Variants in PCDHA3 observed in about 807,000 individuals in gnomAD.
The protein encoded by PCDHA3 is protocadherin alpha-3.
PCDHA3 carries 41 observed loss-of-function variants against 62.2 expected under a neutral mutation model. The ratio of observed to expected loss-of-function variants is 0.66; its 90% CI spans 0.51 to 0.86. The LOEUF (loss-of-function observed/expected upper bound fraction) is 0.86, where lower values mean the gene tolerates loss of function less well. Among genes scored for constraint, PCDHA3 ranks in the 40% least tolerant of loss-of-function variants. The probability of loss-of-function intolerance (pLI) is 0.00; values close to 1 mark genes in which losing one functional copy is unlikely to be tolerated. For synonymous variants in PCDHA3, 640 were observed against 555.4 expected (o/e 1.15, Z -2.14); for missense variants, 1,304 against 1,241.2 (o/e 1.05, Z -0.76).
At chr5:140,906,796 T>C (rs1021322398) in intron 1 of PCDHA3, among the ~76,000 whole-genome samples, 1 of 152,236 alleles carries the variant, frequency 6.6e-6, no homozygotes, top group African/African-American at 2.4e-5. Context: ...ATTCCATGCA[T>C]ACTCTTCCTT....
At chr5:140,884,115 T>C (rs782303871) in intron 1 of PCDHA3, 2 of 1,613,170 alleles carry the variant, frequency 1.2e-6, no homozygotes, top group African/African-American at 2.7e-5. Context: ...CTGGCGGCGG[T>C]CGGCGCGCGC....
rs1776053531 is a variant in PCDHA3 at position 140,839,144 on chromosome 5, A to G, written c.2394+35553A>G. ...ATATGTCATTCACATAAGCAGACCAAGTTTGCTGCTCTTGTTGAAAGATAT... is the reference window on the plus strand; with the variant it reads ...ATATGTCATTCACATAAGCAGACCAGGTTTGCTGCTCTTGTTGAAAGATAT... On this transcript the variant is annotated intron_variant, in intron 1 of 3. Transcript: ENST00000522353. Among the ~76,000 whole-genome samples, 3 of 136,814 alleles carry G rather than the reference A, an allele frequency of 2.2e-5. No individual in the cohort carries two copies. The South Asian group carries it at 7.1e-4, about 33-fold the overall frequency. The allele number at this position is 136,814 out of a possible 152,430, so 89.8% of individuals were successfully genotyped here.
At chr5:140,936,512 A>G (rs575884793) in intron 1 of PCDHA3, among the ~76,000 whole-genome samples, 1 of 152,324 alleles carries the variant, frequency 6.6e-6, no homozygotes, top group Non-Finnish European at 1.5e-5. Context: ...TAGATCTTAA[A>G]TTACCTGAAA....
At chr5:140,828,391 G>A in intron 1 of PCDHA3, 4 of 1,614,294 alleles carry the variant, frequency 2.5e-6, no homozygotes, top group Non-Finnish European at 3.4e-6. Flanking sequence ...GGCGGAGCGC[G>A]GAGTGCAGCA....
At chr5:140,947,655 A>G (rs942849633) in intron 1 of PCDHA3, among the ~76,000 whole-genome samples, 3 of 151,542 alleles carry the variant, frequency 2.0e-5, no homozygotes, top group Non-Finnish European at 4.4e-5. Context: ...ATATACCTCC[A>G]TTTACTTGGG....
At chr5:140,809,718 T>A in intron 1 of PCDHA3, 2 of 935,756 alleles carry the variant, frequency 2.1e-6, no homozygotes, top group Non-Finnish European at 3.1e-6. Flanking sequence ...CTTTTGGAAT[T>A]ATAGGACATC....
chr5:140,857,337 G>T, intron 1 of PCDHA3: 1 of 1,598,496 alleles, frequency 6.3e-7, no homozygotes, highest in South Asian at 1.1e-5. Context: ...CGGGACGGGG[G>T]CTCGCCTCCG....
chr5:140,805,002 A>T, intron 1 of PCDHA3: 2 of 1,535,512 alleles, frequency 1.3e-6, no homozygotes, highest in Non-Finnish European at 1.7e-6. Flanking sequence ...TTAAAAATTT[A>T]GTTCTGTTAT....
At chr5:140,840,202 A>G (rs1426103909) in intron 1 of PCDHA3, among the ~76,000 whole-genome samples, 1 of 152,086 alleles carries the variant, frequency 6.6e-6, no homozygotes, top group African/African-American at 2.4e-5. Flanking sequence ...AAGGAAAAGA[A>G]GTCATAAAAA....
chr5:140,981,744 G>C (rs1586900543), intron 2 of PCDHA3, among the ~76,000 whole-genome samples: 1 of 151,900 alleles, frequency 6.6e-6, no homozygotes, highest in Admixed American at 6.6e-5. Context: ...ATTAATATGA[G>C]TTAGTATTAG....
chr5:140,952,743 C>T lies in PCDHA3; in HGVS notation c.2395-26206C>T, dbSNP rs146786879. Reference sequence around the variant, plus strand: ...TCTGTACTAGTCTTTTCTCACACTGCTATAAAAACACCTGAGACTGGATAA... The same window carrying T: ...TCTGTACTAGTCTTTTCTCACACTGTTATAAAAACACCTGAGACTGGATAA... On this transcript the variant is annotated intron_variant, in intron 1 of 3. Coordinates refer to ENST00000522353, the MANE Select transcript of PCDHA3 (RefSeq NM_018906.3). 8.6e-3 allele frequency among the ~76,000 whole-genome samples: 1,316 copies of T among 152,264 alleles called. 10 individuals are homozygous for T. Among genetic ancestry groups the T allele is most frequent in the Middle Eastern group, 0.014 (4 of 294 alleles).
In PCDHA3 at chr5:140,998,286, A is replaced by G. The variant is rs913397915; in HGVS notation, c.2543-11341A>G. Among the ~76,000 whole-genome samples, 51 of 152,230 alleles carry G rather than the reference A, an allele frequency of 3.4e-4. 1 individual carries two copies. Among genetic ancestry groups the G allele is most frequent in the Non-Finnish European group, 1.5e-5 (1 of 68,044 alleles). On this transcript the variant is annotated intron_variant, in intron 3 of 3. Coordinates refer to ENST00000522353, the MANE Select transcript of PCDHA3 (RefSeq NM_018906.3). ...AAACTGACACCCATAGGATTAAATC[A>G]GATCACACATTTAGTAAGGGCACCA...
At chr5:140,906,416 T>A (rs2072639287) in intron 1 of PCDHA3, among the ~76,000 whole-genome samples, 1 of 152,190 alleles carries the variant, frequency 6.6e-6, no homozygotes, top group African/African-American at 2.4e-5. Flanking sequence ...AGTCAATAAA[T>A]CTTATGTCAC....
chr5:140,813,496 G>T (rs1278753033), intron 1 of PCDHA3: 1 of 152,076 alleles, frequency 6.6e-6, no homozygotes, highest in Non-Finnish European at 1.5e-5. Flanking sequence ...CATCTAAAAG[G>T]TACAGTAAAA....
chr5:140,987,513 A>C (rs1324114239), intron 3 of PCDHA3, among the ~76,000 whole-genome samples: 3 of 152,168 alleles, frequency 2.0e-5, no homozygotes, highest in Non-Finnish European at 4.4e-5. Flanking sequence ...TCTGCCACTC[A>C]GTAATTGTAT....
At chr5:140,838,382 C>T (rs189980882) in intron 1 of PCDHA3, among the ~76,000 whole-genome samples, 2 of 151,494 alleles carry the variant, frequency 1.3e-5, no homozygotes, top group East Asian at 3.9e-4. Flanking sequence ...CCTCAGCCTC[C>T]CAATGTGCTG....
chr5:140,812,146 T>TG (rs1554125912), intron 1 of PCDHA3: 1 of 136,714 alleles, frequency 7.3e-6, no homozygotes, highest in Admixed American at 7.5e-5. Context: ...GGTTTTGGGC[T>TG]TTTGTTGTTG....
chr5:140,832,320 C>T (rs1189533156), intron 1 of PCDHA3, among the ~76,000 whole-genome samples: 1 of 152,296 alleles, frequency 6.6e-6, no homozygotes, highest in East Asian at 1.9e-4. Context: ...TGCTTAAGGG[C>T]CATTAGAGGA....
intron 1 of PCDHA3, among the ~76,000 whole-genome samples, chr5:140,943,064 C>T (rs1352675515): frequency 1.3e-5 from 2 of 151,818 alleles, no homozygotes; most frequent in African/African-American, 4.8e-5. Context: ...CAAGAACAGC[C>T]TGACCAACAT....
Sources: allele counts gnomAD v4.1 joint callset (sites outside exome capture counted in the v4.1 genomes callset), GRCh38; gene constraint gnomAD v4.1.1; transcripts MANE v1.5; gene names NCBI Gene and HGNC (gene_info 2026-07-23, HGNC 2026-07-21).